The following TCERG1L variants were observed in gnomAD, a reference collection of about 807,000 sequenced individuals.
TCERG1L encodes transcription elongation regulator 1-like protein.
TCERG1L carries 37 observed loss-of-function variants against 56.3 expected under a neutral mutation model. The observed-to-expected ratio is 0.66, with a 90% CI of 0.51 to 0.87. The LOEUF (loss-of-function observed/expected upper bound fraction) is 0.87. Among genes scored for constraint, TCERG1L ranks in the 40% least tolerant of loss-of-function variants. TCERG1L has a pLI of 0.00. For missense variants in TCERG1L, 799 were observed against 774.2 expected (o/e 1.03, Z -0.38); for synonymous variants, 324 against 326.3 (o/e 0.99, Z 0.08).
intron 4 of TCERG1L, among the ~76,000 whole-genome samples, chr10:131,239,746 G>A (rs554229538): frequency 8.5e-5 from 13 of 152,344 alleles, no homozygotes; most frequent in East Asian, 7.7e-4. Context: ...CTTGGCCTTC[G>A]GCTCAGGCTC....
intron 9 of TCERG1L, among the ~76,000 whole-genome samples, chr10:131,104,900 A>G (rs905818860): frequency 2.6e-5 from 4 of 152,272 alleles, no homozygotes; most frequent in Non-Finnish European, 5.9e-5. Flanking sequence ...CGTCGTTAAC[A>G]TATTAGTAGG....
intron 4 of TCERG1L, among the ~76,000 whole-genome samples, chr10:131,201,241 T>A (rs2133474160): frequency 6.6e-6 from 1 of 152,012 alleles, no homozygotes; most frequent in African/African-American, 2.4e-5. Context: ...CCCACTAAAC[T>A]CAAACTAAAT....
intron 3 of TCERG1L, among the ~76,000 whole-genome samples, chr10:131,303,580 G>GT (rs945796242): frequency 3.3e-5 from 5 of 151,924 alleles, no homozygotes; most frequent in African/African-American, 1.2e-4. Flanking sequence ...CGAAATCTGT[G>GT]TTTTTAAGGA....
At chr10:131,097,509 G>A (rs1382657410) in intron 11 of TCERG1L, among the ~76,000 whole-genome samples, 1 of 151,982 alleles carries the variant, frequency 6.6e-6, no homozygotes, top group Non-Finnish European at 1.5e-5. Flanking sequence ...CACCACGCCC[G>A]GCTAATTTTT....
At chr10:131,182,833 TCTAA>T (rs1265177638) in intron 4 of TCERG1L, among the ~76,000 whole-genome samples, 4 of 152,256 alleles carry the variant, frequency 2.6e-5, no homozygotes, top group Admixed American at 6.5e-5. Context: ...ACTCTTTTTT[TCTAA>T]CTAACTTCTT....
chr10:131,102,796 G>A (rs1226441589), intron 10 of TCERG1L, among the ~76,000 whole-genome samples: 2 of 152,094 alleles, frequency 1.3e-5, no homozygotes, highest in African/African-American at 2.4e-5. Flanking sequence ...CTTCTCAGAC[G>A]TGATCCACGG....
At chr10:131,212,916 G>A (rs987156638) in intron 4 of TCERG1L, among the ~76,000 whole-genome samples, 4 of 152,254 alleles carry the variant, frequency 2.6e-5, no homozygotes, top group African/African-American at 9.6e-5. Context: ...CCGCTGGAGT[G>A]CTTCTTACCC....
At chr10:131,127,359 C>T (rs369107771) in intron 8 of TCERG1L, among the ~76,000 whole-genome samples, 1 of 152,198 alleles carries the variant, frequency 6.6e-6, no homozygotes, top group Non-Finnish European at 1.5e-5. Flanking sequence ...CCAGCCAGCC[C>T]GTGACCCTGT....
intron 4 of TCERG1L, among the ~76,000 whole-genome samples, chr10:131,224,720 T>C (rs1416054889): frequency 6.6e-6 from 1 of 152,110 alleles, no homozygotes; most frequent in Non-Finnish European, 1.5e-5. Flanking sequence ...GCACGGCCCA[T>C]CGCAGGCTCC....
chr10:131,223,363 G>C (rs566620705), intron 4 of TCERG1L, among the ~76,000 whole-genome samples: 2 of 152,290 alleles, frequency 1.3e-5, no homozygotes, highest in East Asian at 3.9e-4. Flanking sequence ...CCTCCAAGTG[G>C]GTTTCCATCC....
At chr10:131,106,890 T>C (rs1256445593) in intron 9 of TCERG1L, among the ~76,000 whole-genome samples, 1 of 152,232 alleles carries the variant, frequency 6.6e-6, no homozygotes, top group Admixed American at 6.5e-5. Flanking sequence ...TTAAGCCTTT[T>C]CTGTAATACC....
intron 7 of TCERG1L, among the ~76,000 whole-genome samples, chr10:131,145,434 T>C (rs767975360): frequency 2.3e-4 from 35 of 152,342 alleles, no homozygotes; most frequent in Non-Finnish European, 3.8e-4. Flanking sequence ...CTTGGAGATT[T>C]TTCTTTTCCC....
intron 4 of TCERG1L, among the ~76,000 whole-genome samples, chr10:131,187,972 C>T (rs906257183): frequency 6.6e-6 from 1 of 152,196 alleles, no homozygotes; most frequent in Non-Finnish European, 1.5e-5. Flanking sequence ...GGAGCTGAGT[C>T]ACACAGAGAC....
chr10:131,302,939 CCTGCAAAGGACATGAA>C (rs762305744), intron 3 of TCERG1L, among the ~76,000 whole-genome samples: 31 of 151,922 alleles, frequency 2.0e-4, no homozygotes, highest in Non-Finnish European at 4.6e-4. Context: ...CATCCATGTC[CCTGCAAAGGACATGAA>C]CTCATCCTTT....
intron 4 of TCERG1L, among the ~76,000 whole-genome samples, chr10:131,174,706 C>T (rs950338397): frequency 2.0e-5 from 3 of 151,574 alleles, no homozygotes; most frequent in Non-Finnish European, 2.9e-5. Context: ...TAATTTTCCA[C>T]CCATTTTTAA....
chr10:131,279,310 C>T (rs1265196664), intron 3 of TCERG1L, among the ~76,000 whole-genome samples: 1 of 152,158 alleles, frequency 6.6e-6, no homozygotes, highest in Non-Finnish European at 1.5e-5. Flanking sequence ...AGGGAAAAGG[C>T]CTGGGCAGGC....
At chr10:131,093,540 T>G (rs1033485795) in intron 11 of TCERG1L, among the ~76,000 whole-genome samples, 30 of 151,908 alleles carry the variant, frequency 2.0e-4, no homozygotes, top group African/African-American at 7.3e-4. Context: ...CCCCCTTGTC[T>G]CTCCTCTGAG....
At chr10:131,263,414 T>C (rs907084020) in intron 3 of TCERG1L, among the ~76,000 whole-genome samples, 1 of 152,176 alleles carries the variant, frequency 6.6e-6, no homozygotes, top group Non-Finnish European at 1.5e-5. Context: ...TGTCCATCTT[T>C]TGTTATATTG....
intron 3 of TCERG1L, among the ~76,000 whole-genome samples, chr10:131,266,301 G>A (rs945449868): frequency 6.6e-6 from 1 of 152,178 alleles, no homozygotes; most frequent in African/African-American, 2.4e-5. Context: ...AATCATTCAT[G>A]AGAGTTGAAA....
Sources: allele counts gnomAD v4.1 joint callset (sites outside exome capture counted in the v4.1 genomes callset), GRCh38; gene constraint gnomAD v4.1.1; transcripts MANE v1.5; gene names NCBI Gene and HGNC (gene_info 2026-07-23, HGNC 2026-07-21).